CPE: variants seen among roughly 807,000 people sequenced by gnomAD.
CPE encodes carbocypeptidase E.
Under a neutral mutation model 53.5 loss-of-function variants are expected in CPE, and 17 were observed. The observed-to-expected ratio is 0.32, with a 90% CI of 0.22 to 0.48. CPE has a LOEUF of 0.48. Among genes scored for constraint, CPE ranks in the 20% least tolerant of loss-of-function variants. CPE has a pLI of 0.99. For missense variants in CPE, 524 were observed against 614.7 expected (o/e 0.85, Z 1.56); for synonymous variants, 226 against 228.8 (o/e 0.99, Z 0.11).
At chr4:165,475,887 G>C (rs184165011) in intron 3 of CPE, among the ~76,000 whole-genome samples, 1 of 152,166 alleles carries the variant, frequency 6.6e-6, no homozygotes, top group African/African-American at 2.4e-5. Flanking sequence ...GAGAAGAATT[G>C]TTCTAGTGGT....
intron 1 of CPE, among the ~76,000 whole-genome samples, chr4:165,418,783 A>G (rs1450779869): frequency 1.3e-5 from 2 of 152,176 alleles, no homozygotes; most frequent in Non-Finnish European, 2.9e-5. Context: ...TTTCCATTAG[A>G]GAGTTTTTTT....
At chr4:165,398,739 G>T (rs1487323890) in intron 1 of CPE, among the ~76,000 whole-genome samples, 1 of 152,180 alleles carries the variant, frequency 6.6e-6, no homozygotes, top group Non-Finnish European at 1.5e-5. Flanking sequence ...AGCAACTGAA[G>T]ACAGATTTCA....
intron 1 of CPE, among the ~76,000 whole-genome samples, chr4:165,390,521 G>A (rs1242102953): frequency 1.3e-5 from 2 of 152,126 alleles, no homozygotes; most frequent in Non-Finnish European, 2.9e-5. Flanking sequence ...GCTTCTATGT[G>A]TTAATGCATA....
chr4:165,395,236 G>T (rs1451528409), intron 1 of CPE, among the ~76,000 whole-genome samples: 1 of 152,194 alleles, frequency 6.6e-6, no homozygotes, highest in Non-Finnish European at 1.5e-5. Flanking sequence ...TAATTTCACG[G>T]TTAATTTGGG....
intron 1 of CPE, among the ~76,000 whole-genome samples, chr4:165,392,276 T>C (rs752508075): frequency 6.8e-5 from 10 of 146,954 alleles, no homozygotes; most frequent in Non-Finnish European, 7.5e-5. Flanking sequence ...TATATTTACA[T>C]ATAATAGTAT....
At chr4:165,428,249 G>T (rs1411078228) in intron 1 of CPE, among the ~76,000 whole-genome samples, 1 of 151,860 alleles carries the variant, frequency 6.6e-6, no homozygotes, top group Non-Finnish European at 1.5e-5. Context: ...TTTTGTAGGG[G>T]TCTCACTTTG....
Position 165,410,422 on chromosome 4 carries a change from C to T in CPE, c.307+30894C>T, listed in dbSNP as rs537286674. 4.6e-5 allele frequency among the ~76,000 whole-genome samples: 7 copies of T among 152,160 alleles called. 1 individual carries two copies. In the South Asian group the frequency reaches 8.3e-4, roughly 18 times the overall value. On this transcript the variant is annotated intron_variant, in intron 1 of 8. Coordinates refer to ENST00000402744, the MANE Select transcript of CPE (RefSeq NM_001873.4). ...CTGTGCCCAAAGTAGAACATCACAC[C>T]GGCACTGGGTAAGTAAACAAAACAG...
intron 5 of CPE, among the ~76,000 whole-genome samples, chr4:165,486,461 A>G (rs566510171): frequency 1.3e-5 from 2 of 152,216 alleles, no homozygotes; most frequent in Non-Finnish European, 2.9e-5. Flanking sequence ...ATTAAATTCT[A>G]GGACCCCAAA....
At chr4:165,452,214 C>T (rs1731823975) in intron 1 of CPE, among the ~76,000 whole-genome samples, 1 of 152,142 alleles carries the variant, frequency 6.6e-6, no homozygotes, top group Non-Finnish European at 1.5e-5. Context: ...GAAATAAGTT[C>T]TAATATTCAA....
chr4:165,384,956 C>T (rs1730565696), intron 1 of CPE, among the ~76,000 whole-genome samples: 1 of 152,086 alleles, frequency 6.6e-6, no homozygotes, highest in African/African-American at 2.4e-5. Context: ...TGTTTGTTTG[C>T]TTTTTTCTCT....
chr4:165,464,425 G>A lies in CPE; in HGVS notation c.343G>A (p.Gly115Arg). Residue 115 changes from glycine (G) to arginine (R), a missense_variant, in exon 2 of 9, where the codon GGG becomes AGG. Transcript: ENST00000402744. ...PEFKYIGNMH[G>R]NEAVGRELLI... is the part of the protein sequence containing the mutation. The stretch of plus-strand genomic sequence containing the variant: ...ATTTAAATACATTGGGAATATGCAT[G>A]GGAATGAGGCTGTTGGACGAGAACT... 6.2e-7 allele frequency: 1 copy of A among 1,611,640 alleles called. No homozygotes were observed. Among genetic ancestry groups the A allele is most frequent in the Admixed American group, 1.7e-5 (1 of 59,612 alleles).
intron 3 of CPE, among the ~76,000 whole-genome samples, chr4:165,475,855 C>T (rs369204042): frequency 8.5e-5 from 13 of 152,140 alleles, no homozygotes; most frequent in South Asian, 2.1e-4. Flanking sequence ...GATCAGCTAG[C>T]GGGAGCAGAG....
chr4:165,390,874 T>C (rs1730669024), intron 1 of CPE, among the ~76,000 whole-genome samples: 1 of 152,172 alleles, frequency 6.6e-6, no homozygotes, highest in Non-Finnish European at 1.5e-5. Flanking sequence ...TCTAGGTTTC[T>C]CTCCAGCAGT....
chr4:165,493,120 C>A (rs775367854), intron 6 of CPE, 51 bp from the exon 7 acceptor site: 14 of 1,188,938 alleles, frequency 1.2e-5, no homozygotes, highest in Non-Finnish European at 1.7e-5. Context: ...AAGGCCATTT[C>A]TATAAATTTA....
At chr4:165,390,751 T>A (rs1321917343) in intron 1 of CPE, among the ~76,000 whole-genome samples, 1 of 152,156 alleles carries the variant, frequency 6.6e-6, no homozygotes, top group East Asian at 1.9e-4. Flanking sequence ...CCATTTCAAT[T>A]TCTAATTTCC....
chr4:165,393,225 C>G lies in CPE; in HGVS notation c.307+13697C>G, dbSNP rs559667382. Among the ~76,000 whole-genome samples the G allele has an allele frequency of 5.9e-5, 9 of 152,130 alleles. No homozygotes were observed. The South Asian group carries it at 1.9e-3, about 32-fold the overall frequency. ...TGAGTTATTGAAGGAGAATTCAGCC[C>G]ATAGATTTTCTCCATGCTTTGGCAG... On this transcript the variant is annotated intron_variant, in intron 1 of 8. Transcript: ENST00000402744.
intron 1 of CPE, among the ~76,000 whole-genome samples, chr4:165,422,458 T>G (rs1294659011): frequency 1.3e-5 from 2 of 152,184 alleles, no homozygotes; most frequent in African/African-American, 4.8e-5. Context: ...AGTAACCCTT[T>G]GAACAATCCT....
intron 1 of CPE, among the ~76,000 whole-genome samples, chr4:165,384,752 G>GA (rs1384342603): frequency 6.6e-6 from 1 of 152,126 alleles, no homozygotes; most frequent in Non-Finnish European, 1.5e-5. Context: ...GTAGAACAAA[G>GA]AAAAAAATGA....
intron 6 of CPE, among the ~76,000 whole-genome samples, chr4:165,490,266 A>G (rs1732576503): frequency 1.3e-5 from 2 of 152,332 alleles, no homozygotes; most frequent in African/African-American, 4.8e-5. Flanking sequence ...GAGTCTGCTA[A>G]GGAGAAGAGC....
Sources: allele counts gnomAD v4.1 joint callset (sites outside exome capture counted in the v4.1 genomes callset), GRCh38; gene constraint gnomAD v4.1.1; transcripts MANE v1.5; gene names NCBI Gene and HGNC (gene_info 2026-07-23, HGNC 2026-07-21).